The following REEP2 variants were observed in gnomAD, a reference collection of about 807,000 sequenced individuals.
REEP2 encodes receptor expression-enhancing protein 2.
Under a neutral mutation model 32.1 loss-of-function variants are expected in REEP2, and 9 were observed. The ratio of observed to expected loss-of-function variants is 0.28; its 90% CI spans 0.17 to 0.49. REEP2 has a LOEUF of 0.49. Ranked by LOEUF, REEP2 falls within the 20% of genes least tolerant of loss-of-function variation. The pLI, the probability that REEP2 is intolerant of heterozygous loss-of-function variation, is 0.99. For synonymous variants in REEP2, 128 were observed against 139.1 expected (o/e 0.92, Z 0.56); for missense variants, 236 against 338.0 (o/e 0.70, Z 2.37).
Position 138,441,136 on chromosome 5 carries a change from AG to A in REEP2, c.105+52del. ...CCTACCCAACCCACATGGCACAGAG[AG>A]GGGAGGGCACTGGGTCCTATTACAG... On this transcript the variant is annotated intron_variant, in intron 2 of 7. Transcript: ENST00000378339. The surrounding 1 kb of genome is among the most constrained non-coding windows in gnomAD (Gnocchi z 4.4). The A allele has an allele frequency of 6.2e-7, 1 of 1,610,102 alleles. No individual in the cohort carries two copies. The highest frequency in any genetic ancestry group is 8.5e-7 in the Non-Finnish European group (1 of 1,177,914).
rs1580973708 is a variant in REEP2 at position 138,439,098 on chromosome 5, G to GGCT, written c.-101_-99dup. On this transcript the variant is annotated 5_prime_UTR_variant, in exon 1 of 8. Coordinates refer to ENST00000378339, the MANE Select transcript of REEP2 (RefSeq NM_001271803.2). ...CTGCCCCCGCGGCGGCTGCTGCAGC[G>GGCT]GCTGCTGCTGCTACTGCGGCTCCTG... 1.3e-5 allele frequency: 6 copies of GGCT among 456,844 alleles called. No individual in the cohort carries two copies. The highest frequency in any genetic ancestry group is 1.9e-5 in the Non-Finnish European group (6 of 315,506). The allele number at this position is 456,844 out of a possible 1,614,324, so 28.3% of individuals were successfully genotyped here.
chr5:138,441,530 A>C lies in REEP2; in HGVS notation c.182+69A>C. The C allele has an allele frequency of 7.3e-7, 1 of 1,371,898 alleles. No homozygotes were observed. Among genetic ancestry groups the C allele is most frequent in the South Asian group, 1.2e-5 (1 of 86,050 alleles). The allele number at this position is 1,371,898 out of a possible 1,614,324, so 85.0% of individuals were successfully genotyped here. A position where few individuals can be genotyped will look rare whatever the true frequency, so the allele number is the denominator to read the frequency against. ...CTGCCTTTCTCTACCCAGCCAGCCA[A>C]ACAAAAGACTGGGCCTGGGGGTGAA... On this transcript the variant is annotated intron_variant, in intron 3 of 7. Coordinates refer to ENST00000378339, the MANE Select transcript of REEP2 (RefSeq NM_001271803.2). This position sits in a 1 kb window ranked among gnomAD's most constrained non-coding sequence, Gnocchi z 4.4.
rs1194810582 is a variant in REEP2, at chr5:138,444,328, A to G, written c.183-87A>G. 2.7e-6 allele frequency: 4 copies of G among 1,502,006 alleles called. No individual in the cohort carries two copies. The Admixed American group carries it at 7.1e-5, about 27-fold the overall frequency. The allele number at this position is 1,502,006 out of a possible 1,614,324, so 93.0% of individuals were successfully genotyped here. A position where few individuals can be genotyped will look rare whatever the true frequency, so the allele number is the denominator to read the frequency against. On this transcript the variant is annotated intron_variant, in intron 3 of 7. Transcript: ENST00000378339. ...GTGCACTAAGAGTGAGGGGCTGTGC[A>G]GGGTCACACATGGGGCCGGTGCTGC...
chr5:138,441,958 C>T lies in REEP2; in HGVS notation c.182+497C>T, dbSNP rs2127022660. 6.6e-6 allele frequency among the ~76,000 whole-genome samples: 1 copy of T among 152,230 alleles called. No homozygotes were observed. The highest frequency in any genetic ancestry group is 1.9e-4 in the East Asian group (1 of 5,178). ...AAAACAAACAAACAAGGAGTAAGAA[C>T]AAACATAATCCCCATGTTTCTTTCT... is the stretch of plus-strand genomic sequence containing the variant. On this transcript the variant is annotated intron_variant, in intron 3 of 7. Coordinates refer to ENST00000378339, the MANE Select transcript of REEP2 (RefSeq NM_001271803.2). The surrounding 1 kb of genome is among the most constrained non-coding windows in gnomAD (Gnocchi z 4.4).
chr5:138,444,332 T>C, intron 3 of REEP2, 83 bp from the exon 4 acceptor site: 1 of 1,524,334 alleles, frequency 6.6e-7, no homozygotes, highest in South Asian at 1.2e-5. Flanking sequence ...CTGTGCAGGG[T>C]CACACATGGG....
chr5:138,440,962 G>T (rs895010998), intron 1 of REEP2, 54 bp from the exon 2 acceptor site: 7 of 1,606,374 alleles, frequency 4.4e-6, no homozygotes, highest in Non-Finnish European at 5.9e-6. Context: ...GAGCTGGGAG[G>T]GAGAGGCCAC....
intron 5 of REEP2, 106 bp downstream of exon 5, chr5:138,444,973 G>C (rs1763898632): frequency 1.2e-6 from 1 of 848,542 alleles, no homozygotes; most frequent in South Asian, 1.8e-5. Flanking sequence ...GAGACTCTGG[G>C]CTCATGCAGC....
At chr5:138,439,560 C>G in intron 1 of REEP2, 1 of 496,142 alleles carries the variant, frequency 2.0e-6, no homozygotes, top group Admixed American at 2.5e-5. Context: ...CAGGCGCGTC[C>G]CCTCCCCCAC....
rs926152312 is a variant in REEP2 at position 138,441,987 on chromosome 5, G to T, written c.182+526G>T. Among the ~76,000 whole-genome samples, 1 of 152,108 alleles carries T rather than the reference G, an allele frequency of 6.6e-6. No homozygotes were observed. ...CATAATCCCCATGTTTCTTTCTGGC[G>T]GCAGCCAGAGCCCCTCAGTGGAATT... On this transcript the variant is annotated intron_variant, in intron 3 of 7. Transcript: ENST00000378339. The surrounding 1 kb of genome is among the most constrained non-coding windows in gnomAD (Gnocchi z 4.4).
intron 1 of REEP2, 97 bp downstream of exon 1, chr5:138,439,337 C>T: frequency 8.1e-7 from 1 of 1,238,194 alleles, no homozygotes. Flanking sequence ...GCAGCAGAGT[C>T]ACCTAAAGGC....
chr5:138,439,127 C>A lies in REEP2; in HGVS notation c.-82C>A. ...GCTGCTGCTACTGCGGCTCCTGCTG[C>A]CGCCGCCGCCGCCGCTCGGCCTCAG... is the stretch of plus-strand genomic sequence containing the variant. On this transcript the variant is annotated 5_prime_UTR_variant, in exon 1 of 8. Coordinates refer to ENST00000378339, the MANE Select transcript of REEP2 (RefSeq NM_001271803.2). 1 of 734,108 alleles carries A rather than the reference C, an allele frequency of 1.4e-6. No homozygotes were observed. Among genetic ancestry groups the A allele is most frequent in the Non-Finnish European group, 1.8e-6 (1 of 564,132 alleles). The allele number at this position is 734,108 out of a possible 1,614,324, so 45.5% of individuals were successfully genotyped here. A position where few individuals can be genotyped will look rare whatever the true frequency, so the allele number is the denominator to read the frequency against.
intron 1 of REEP2, chr5:138,439,581 TGGGCTGGAGGAGATCCTCAGACCC>T: frequency 2.0e-6 from 1 of 503,930 alleles, no homozygotes; most frequent in Non-Finnish European, 3.8e-6. Context: ...CTAGCAGGTC[TGGGCTGGAGGAGATCCTCAGACCC>T]GGGCCCTGTC....
chr5:138,439,557 G>C, intron 1 of REEP2: 1 of 499,250 alleles, frequency 2.0e-6, no homozygotes, highest in Non-Finnish European at 3.8e-6. Context: ...AGGCAGGCGC[G>C]TCCCCTCCCC....
Position 138,444,458 on chromosome 5 carries a change from C to T in REEP2, c.226C>T (p.Leu76=), listed in dbSNP as rs1763885958. 1 of 1,614,016 alleles carries T rather than the reference C, an allele frequency of 6.2e-7. No homozygotes were observed. Among genetic ancestry groups the T allele is most frequent in the African/African-American group, 1.3e-5 (1 of 74,920 alleles). The stretch of plus-strand genomic sequence containing the variant: ...ACTGAAGATCGCCTTCGTGATATGG[C>T]TGCTGTCCCCTTACACCAAGGGCTC... ...FELKIAFVIW[L]LSPYTKGSSV... The change falls in exon 4 of 8, where the codon CTG becomes TTG. Residue 76 remains leucine (L), a synonymous_variant. Transcript: ENST00000378339.
chr5:138,444,045 A>G (rs922932852), intron 3 of REEP2, among the ~76,000 whole-genome samples: 1 of 152,052 alleles, frequency 6.6e-6, no homozygotes, highest in Non-Finnish European at 1.5e-5. Flanking sequence ...GAGGGCAGAA[A>G]GGGAAGGAGT....
Position 138,444,560 on chromosome 5 carries a change from T to A in REEP2, c.303+25T>A, listed in dbSNP as rs769732944. 2.5e-6 allele frequency: 4 copies of A among 1,612,162 alleles called. No homozygotes were observed. The African/African-American group carries it at 5.3e-5, about 22-fold the overall frequency. On this transcript the variant is annotated intron_variant, in intron 4 of 7. Transcript: ENST00000378339. ...GGTTTGCCCCCACTCTCAGCTCACC[T>A]CCCAGCCTGCCCCCAGCCAAGGCAG... is the stretch of plus-strand genomic sequence containing the variant.
At chr5:138,439,290 G>A in intron 1 of REEP2, 50 bp downstream of exon 1, 1 of 1,424,902 alleles carries the variant, frequency 7.0e-7, no homozygotes, top group African/African-American at 1.5e-5. Context: ...GGAGGGCGGG[G>A]GTGTTAAAGC....
At chr5:138,445,007 C>G (rs1233138119) in intron 5 of REEP2, 140 bp downstream of exon 5, 1 of 766,398 alleles carries the variant, frequency 1.3e-6, no homozygotes, top group Non-Finnish European at 2.1e-6. Context: ...CCAGGCTCTA[C>G]TGCTATCTGG....
chr5:138,439,354 T>A, intron 1 of REEP2, 114 bp downstream of exon 1: 1 of 1,149,290 alleles, frequency 8.7e-7, no homozygotes, highest in South Asian at 1.6e-5. Flanking sequence ...AGGCGCTGCG[T>A]CCTTATTTGG....
Sources: gnomAD v4.1 joint callset for allele counts (sites outside exome capture counted in the v4.1 genomes callset) on GRCh38, gnomAD v4.1.1 for gene constraint, Gnocchi (gnomAD v3.1) non-coding constraint, MANE v1.5 for transcripts, NCBI Gene and HGNC (gene_info 2026-07-23, HGNC 2026-07-21) for gene names.